The following PXK variants were observed in gnomAD, a reference collection of about 807,000 sequenced individuals.
PXK encodes PX domain-containing protein kinase-like protein.
In PXK, 35 loss-of-function variants were observed where a neutral mutation model predicts 84.7. The ratio of observed to expected loss-of-function variants is 0.41; its 90% confidence interval spans 0.32 to 0.55. The LOEUF (loss-of-function observed/expected upper bound fraction) is 0.55, where lower values mean the gene tolerates loss of function less well. Ranked by LOEUF, PXK falls within the 20% of genes least tolerant of loss-of-function variation. The probability of loss-of-function intolerance (pLI) is 0.21; values close to 1 mark genes in which losing one functional copy is unlikely to be tolerated. For synonymous variants in PXK, 253 were observed against 260.8 expected (o/e 0.97, Z 0.29); for missense variants, 634 against 699.7 (o/e 0.91, Z 1.06).
rs1220775055 is a variant in PXK, at chr3:58,395,007, A to G, written c.625A>G (p.Ile209Val). Residue 209 changes from isoleucine to valine, a missense_variant, in exon 8 of 18, where the codon ATC becomes GTC. This residue lies in a region of PXK where 353 missense variants were observed against 385.2 expected (regional missense o/e 0.92). Coordinates refer to ENST00000356151, the MANE Select transcript of PXK (RefSeq NM_017771.5). ...TTTTTTGTTTTGACAGCACCCTTAC[A>G]TCTATCGGGTTACCTTTGCCACAGC... ...KLLPSCLHPY[I>V]YRVTFATANE... The G allele has an allele frequency of 1.9e-6, 3 of 1,611,842 alleles. No individual in the cohort carries two copies. The highest frequency in any genetic ancestry group is 2.5e-6 in the Non-Finnish European group (3 of 1,178,106).
intron 1 of PXK, among the ~76,000 whole-genome samples, chr3:58,346,378 C>G (rs1205278168): frequency 6.6e-6 from 1 of 152,054 alleles, no homozygotes; most frequent in Admixed American, 6.6e-5. Context: ...GGCCACAGCT[C>G]AGGTCTATGG....
At chr3:58,337,829 T>C (rs2097650791) in intron 1 of PXK, among the ~76,000 whole-genome samples, 1 of 152,214 alleles carries the variant, frequency 6.6e-6, no homozygotes, top group African/African-American at 2.4e-5. Context: ...TTTATTGATC[T>C]TCAGCTTCTC....
rs542281716 is a variant in PXK at position 58,351,395 on chromosome 3, T to TTTTGTGTG, written c.103-14478_103-14477insTTGTGTGT. ...GGTGTGCGCCACCACAGCTAGCTATTTGTGTGTGTGTGTGTGTGTGTGTGT... is the reference window on the plus strand; with the variant it reads ...GGTGTGCGCCACCACAGCTAGCTATTTTTGTGTGTGTGTGTGTGTGTGTGTGTGTGTGT... On this transcript the variant is annotated intron_variant, in intron 1 of 17. Transcript: ENST00000356151. 3.8e-3 allele frequency among the ~76,000 whole-genome samples: 530 copies of TTTTGTGTG among 140,684 alleles called. 3 individuals are homozygous for TTTTGTGTG. The highest frequency in any genetic ancestry group is 0.016 in the East Asian group (72 of 4,426). 92.3% of individuals were successfully genotyped at this position (140,684 alleles called of 152,430 possible). A position where few individuals can be genotyped will look rare whatever the true frequency, so the allele number is the denominator to read the frequency against.
Position 58,425,055 on chromosome 3 carries a change from G to C in PXK, c.*95G>C. ...CTCTTCCTGGGAAAGTAATTGCTGA[G>C]CCAGTACAGCCACAAACAGTACTAT... On this transcript the variant is annotated 3_prime_UTR_variant, in exon 18 of 18. Coordinates refer to ENST00000356151, the MANE Select transcript of PXK (RefSeq NM_017771.5). The C allele has an allele frequency of 1.1e-5, 16 of 1,498,394 alleles. No homozygotes were observed. Among genetic ancestry groups the C allele is most frequent in the Non-Finnish European group, 1.4e-5 (16 of 1,113,252 alleles). 92.8% of individuals were successfully genotyped at this position (1,498,394 alleles called of 1,614,324 possible).
intron 1 of PXK, among the ~76,000 whole-genome samples, chr3:58,357,581 A>G (rs2098112942): frequency 6.6e-6 from 1 of 152,242 alleles, no homozygotes. Context: ...TGAGTAATCC[A>G]TTGCGCTATA....
At chr3:58,341,553 C>T (rs1243829376) in intron 1 of PXK, among the ~76,000 whole-genome samples, 2 of 152,044 alleles carry the variant, frequency 1.3e-5, no homozygotes, top group Non-Finnish European at 2.9e-5. Context: ...CAGAGTGAGA[C>T]TCTATCTCAA....
intron 1 of PXK, among the ~76,000 whole-genome samples, chr3:58,346,231 G>A (rs941878230): frequency 6.6e-6 from 1 of 152,152 alleles, no homozygotes; most frequent in African/African-American, 2.4e-5. Context: ...AGTGAGGGGG[G>A]GTTTGGGTGG....
intron 1 of PXK, among the ~76,000 whole-genome samples, chr3:58,365,516 A>G (rs1315821384): frequency 6.6e-6 from 1 of 152,162 alleles, no homozygotes. Flanking sequence ...GGTATTGTTA[A>G]GTTCTTCTAT....
chr3:58,410,739 A>G (rs932887455), intron 16 of PXK, among the ~76,000 whole-genome samples: 6 of 152,210 alleles, frequency 3.9e-5, no homozygotes, highest in African/African-American at 1.4e-4. Flanking sequence ...AGATTGAATG[A>G]TCCCTGGGGG....
Position 58,421,354 on chromosome 3 carries a change from G to T in PXK, c.1529-3398G>T. 1 of 967,818 alleles carries T rather than the reference G, an allele frequency of 1.0e-6. No homozygotes were observed. The allele number at this position is 967,818 out of a possible 1,614,324, so 60.0% of individuals were successfully genotyped here. A position where few individuals can be genotyped will look rare whatever the true frequency, so the allele number is the denominator to read the frequency against. On this transcript the variant is annotated intron_variant, in intron 17 of 17. Transcript: ENST00000356151. This position sits in a 1 kb window ranked among gnomAD's most constrained non-coding sequence, Gnocchi z 5.5. The stretch of plus-strand genomic sequence containing the variant: ...CTCAGCACTTTGGGAGGCTGAGGCG[G>T]GCGGATCACAAGGATCAGGAGTTCA...
chr3:58,424,993 T>A lies in PXK; in HGVS notation c.*33T>A. ...TGTTTACACTTGGAGGGAAAAGTTC[T>A]TTTTTATTCCTACTCACCCCTACCC... On this transcript the variant is annotated 3_prime_UTR_variant, in exon 18 of 18. Transcript: ENST00000356151. The A allele has an allele frequency of 6.2e-7, 1 of 1,611,352 alleles. No individual in the cohort carries two copies. Among genetic ancestry groups the A allele is most frequent in the Non-Finnish European group, 8.5e-7 (1 of 1,178,700 alleles).
chr3:58,395,244 A>G, intron 8 of PXK, 142 bp downstream of exon 8: 1 of 591,974 alleles, frequency 1.7e-6, no homozygotes, highest in Non-Finnish European at 2.8e-6. Context: ...ATTTTTATTC[A>G]TGCAATAAAA....
At chr3:58,369,561 A>G (rs967477315) in intron 3 of PXK, 83 bp downstream of exon 3, 2 of 1,088,584 alleles carry the variant, frequency 1.8e-6, no homozygotes, top group African/African-American at 1.6e-5. Context: ...ACGGTGGCTC[A>G]ACGCCTGTAA....
chr3:58,369,824 C>CA (rs751574356), intron 3 of PXK, among the ~76,000 whole-genome samples: 6,829 of 64,268 alleles, frequency 0.11, 229 homozygotes, highest in African/African-American at 0.16. Flanking sequence ...AACTCTGTCT[C>CA]AAAAAAAAAA....
rs2062728682 is a variant in PXK at position 58,425,745 on chromosome 3, T to C, written c.*785T>C. ...GGGCAGGTCATTGTTACAACAGAAG[T>C]AAATTTGGCATCTATAGAAATCAAT... On this transcript the variant is annotated 3_prime_UTR_variant, in exon 18 of 18. Transcript: ENST00000356151. 6.6e-6 allele frequency: 1 copy of C among 152,234 alleles called. No individual in the cohort carries two copies. Among genetic ancestry groups the C allele is most frequent in the Admixed American group, 6.5e-5 (1 of 15,288 alleles). The allele number at this position is 152,234 out of a possible 1,614,324, so 9.4% of individuals were successfully genotyped here.
At position 58,333,450 on chromosome 3, in the gene PXK, C is replaced by G. The variant is rs973707104; in HGVS notation, c.102+360C>G. ...CAGGAACGAGACCGCTCAGGACCAT[C>G]CACTTCTGCCCGCCGCCAGCCTTTT... is the stretch of plus-strand genomic sequence containing the variant. On this transcript the variant is annotated intron_variant, in intron 1 of 17. Transcript: ENST00000356151. The surrounding 1 kb of genome is among the most constrained non-coding windows in gnomAD (Gnocchi z 5.4). 6.8e-6 allele frequency: 3 copies of G among 440,496 alleles called. No homozygotes were observed. The highest frequency in any genetic ancestry group is 1.4e-5 in the Non-Finnish European group (3 of 217,588). The allele number at this position is 440,496 out of a possible 1,614,324, so 27.3% of individuals were successfully genotyped here. A position where few individuals can be genotyped will look rare whatever the true frequency, so the allele number is the denominator to read the frequency against.
Position 58,401,377 on chromosome 3 carries a change from G to T in PXK, c.1181+2000G>T, listed in dbSNP as rs2058531325. Among the ~76,000 whole-genome samples the T allele has an allele frequency of 1.3e-5, 2 of 152,162 alleles. No homozygotes were observed. Among genetic ancestry groups the T allele is most frequent in the South Asian group, 4.1e-4 (2 of 4,832 alleles). On this transcript the variant is annotated intron_variant, in intron 12 of 17. Coordinates refer to ENST00000356151, the MANE Select transcript of PXK (RefSeq NM_017771.5). The surrounding 1 kb of genome is among the most constrained non-coding windows in gnomAD (Gnocchi z 4.4). The stretch of plus-strand genomic sequence containing the variant: ...ACCTATAATCCCAGCAGTTTGGGAG[G>T]CTGAGGCAGGTGGATCACTTGAGCT...
At position 58,399,486 on chromosome 3, in the gene PXK, G is replaced by A; in HGVS notation, c.1181+109G>A. 2.6e-6 allele frequency: 3 copies of A among 1,157,336 alleles called. No individual in the cohort carries two copies. In the South Asian group the frequency reaches 3.9e-5, roughly 15 times the overall value. The allele number at this position is 1,157,336 out of a possible 1,614,324, so 71.7% of individuals were successfully genotyped here. A position where few individuals can be genotyped will look rare whatever the true frequency, so the allele number is the denominator to read the frequency against. ...TAAAGATTCTTGCGGTCCCTGCAGA[G>A]TTGGCGTGGCCTGCTTGCTGATGGG... On this transcript the variant is annotated intron_variant, in intron 12 of 17. Transcript: ENST00000356151. The surrounding 1 kb of genome is among the most constrained non-coding windows in gnomAD (Gnocchi z 4.3).
intron 4 of PXK, among the ~76,000 whole-genome samples, chr3:58,384,065 A>G (rs1359963393): frequency 6.6e-6 from 1 of 152,218 alleles, no homozygotes; most frequent in Non-Finnish European, 1.5e-5. Flanking sequence ...CATGCTGATT[A>G]AATCGGAGTC....
Sources: allele counts gnomAD v4.1 joint callset (sites outside exome capture counted in the v4.1 genomes callset), GRCh38; gene constraint gnomAD v4.1.1; regional missense constraint gnomAD v4.1.1; non-coding constraint Gnocchi (gnomAD v3.1); transcripts MANE v1.5; gene names NCBI Gene and HGNC (gene_info 2026-07-23, HGNC 2026-07-21).